Variants in MGAM observed in about 807,000 individuals in gnomAD.
MGAM encodes the protein maltase-glucoamylase, also known as alpha-1,4-glucosidase.
A neutral mutation model predicts 358.8 loss-of-function variants in MGAM; 253 were observed. The observed-to-expected ratio is 0.71, with a 90% CI of 0.64 to 0.78. MGAM has a LOEUF of 0.78. Among genes scored for constraint, MGAM ranks in the 30% least tolerant of loss-of-function variants. The probability of loss-of-function intolerance (pLI) is 0.00; values close to 1 mark genes in which losing one functional copy is unlikely to be tolerated. For missense variants in MGAM, 3,080 were observed against 3,432.6 expected, an observed-to-expected ratio of 0.90 and a Z score of 2.57; for synonymous variants, 1,105 against 1,227.1, an observed-to-expected ratio of 0.90 and a Z score of 2.08.
rs78766225 is a variant in MGAM at position 142,004,986 on chromosome 7, G to A, written c.-2-543G>A. Among the ~76,000 whole-genome samples, 779 of 152,016 alleles carry A rather than the reference G, an allele frequency of 5.1e-3. 16 individuals are homozygous for A. Among genetic ancestry groups the A allele is most frequent in the East Asian group, 0.035 (180 of 5,178 alleles). On this transcript the variant is annotated intron_variant, in intron 1 of 70. Transcript: ENST00000475668. ...TAATTAATTTACAGGAACTATAAGG[G>A]TAGAGAAACATGTTAGCATGCATAG... is the stretch of plus-strand genomic sequence containing the variant.
At chr7:142,096,176 C>A (rs1815887558) in intron 64 of MGAM, among the ~76,000 whole-genome samples, 155 bp from the exon 65 acceptor site, 1 of 152,198 alleles carries the variant, frequency 6.6e-6, no homozygotes, top group South Asian at 2.1e-4. Context: ...AAAGCAGAGG[C>A]TGGGTGCTCC....
intron 29 of MGAM, among the ~76,000 whole-genome samples, chr7:142,056,485 G>A (rs1313678072): frequency 8.5e-5 from 13 of 152,124 alleles, no homozygotes; most frequent in Non-Finnish European, 1.0e-4. Context: ...CTCACTGTCC[G>A]GGTGAGGGAT....
chr7:142,015,522 C>G (rs1028955741), intron 3 of MGAM, among the ~76,000 whole-genome samples: 4 of 151,956 alleles, frequency 2.6e-5, no homozygotes, highest in African/African-American at 9.7e-5. Flanking sequence ...AAAAAAGAAT[C>G]TAATATAATA....
chr7:142,066,798 C>T lies in MGAM; in HGVS notation c.4919+77C>T, dbSNP rs140389464. 6.0e-3 allele frequency: 8,621 copies of T among 1,443,580 alleles called. 1,234 individuals are homozygous for T. The highest frequency in any genetic ancestry group is 7.0e-3 in the Non-Finnish European group (7,392 of 1,053,682). The allele number at this position is 1,443,580 out of a possible 1,614,324, so 89.4% of individuals were successfully genotyped here. Reference sequence around the variant, plus strand: ...ATGTGGTAGCAGTTGATATACACAACGCTTCCAAATTAAAGACATGATGGC... The same window carrying T: ...ATGTGGTAGCAGTTGATATACACAATGCTTCCAAATTAAAGACATGATGGC... On this transcript the variant is annotated intron_variant, in intron 41 of 70. Transcript: ENST00000475668.
chr7:142,064,940 G>C (rs1812574259), intron 37 of MGAM, among the ~76,000 whole-genome samples: 2 of 152,066 alleles, frequency 1.3e-5, no homozygotes, highest in Non-Finnish European at 2.9e-5. Flanking sequence ...GAGGGTAACT[G>C]GTATTGTACT....
At chr7:141,989,229 C>T (rs560893517) in intron 2 of MGAM, among the ~76,000 whole-genome samples, 1 of 152,082 alleles carries the variant, frequency 6.6e-6, no homozygotes, top group Admixed American at 6.5e-5. Context: ...TGACTGTTTA[C>T]TGTGGCTATT....
intron 21 of MGAM, 23 bp from the exon 22 acceptor site, chr7:142,047,762 G>A: frequency 6.3e-7 from 1 of 1,595,206 alleles, no homozygotes; most frequent in Non-Finnish European, 8.6e-7. Context: ...CTGTCTTTGT[G>A]TCTTGAATCT....
intron 62 of MGAM, 23 bp from the exon 63 acceptor site, chr7:142,094,724 C>A (rs1169905061): frequency 3.1e-6 from 5 of 1,613,368 alleles, no homozygotes; most frequent in Non-Finnish European, 2.5e-6. Flanking sequence ...TCAGCAGGCT[C>A]CTTTTATTTC....
rs952950970 is a variant in MGAM at position 142,084,447 on chromosome 7, C to A, written c.6382-72C>A. Reference sequence around the variant, plus strand: ...CTAGCTTGGGGCACAGAAAAATATTCTTATTACTTGATGTAAAACTTCAAT... The same window carrying A: ...CTAGCTTGGGGCACAGAAAAATATTATTATTACTTGATGTAAAACTTCAAT... On this transcript the variant is annotated intron_variant, in intron 53 of 70. Coordinates refer to ENST00000475668, the MANE Select transcript of MGAM (RefSeq NM_001365693.1). 31 of 1,459,458 alleles carry A rather than the reference C, an allele frequency of 2.1e-5. 1 individual carries two copies. The African/African-American group carries it at 2.4e-4, about 11-fold the overall frequency. 90.4% of individuals were successfully genotyped at this position (1,459,458 alleles called of 1,614,324 possible).
chr7:142,027,669 C>T lies in MGAM; in HGVS notation c.1155C>T (p.Tyr385=), dbSNP rs375809034. The part of the protein sequence containing the change: ...YWALGFHLSR[Y]EYGTLDNMRE... ...CGCTTGGATTTCACCTCAGTCGTTACGAATATGGAACCTTAGACAACATGA... is the reference window on the plus strand; with the variant it reads ...CGCTTGGATTTCACCTCAGTCGTTATGAATATGGAACCTTAGACAACATGA... The change falls in exon 10 of 71, where the codon TAC becomes TAT. Residue 385 remains tyrosine (Y), a synonymous_variant. Coordinates refer to ENST00000475668, the MANE Select transcript of MGAM (RefSeq NM_001365693.1). The T allele has an allele frequency of 4.6e-5, 74 of 1,613,658 alleles. No homozygotes were observed. The highest frequency in any genetic ancestry group is 1.7e-4 in the Middle Eastern group (1 of 6,058).
At chr7:142,044,269 CATTA>C (rs1563153699) in intron 21 of MGAM, among the ~76,000 whole-genome samples, 1 of 89,256 alleles carries the variant, frequency 1.1e-5, no homozygotes, top group South Asian at 3.4e-4. Flanking sequence ...ATAATATATA[CATTA>C]TATACACATA....
At chr7:142,060,446 C>T in intron 34 of MGAM, 73 bp downstream of exon 34, 1 of 1,536,240 alleles carries the variant, frequency 6.5e-7, no homozygotes, top group Non-Finnish European at 9.0e-7. Context: ...GGATTGTGGA[C>T]ATGCCTGTAC....
chr7:142,062,385 A>G (rs1304073003), intron 34 of MGAM, among the ~76,000 whole-genome samples, 183 bp from the exon 35 acceptor site: 2 of 152,118 alleles, frequency 1.3e-5, no homozygotes, highest in African/African-American at 2.4e-5. Flanking sequence ...AGGTGTGCAA[A>G]TTGCACTAAT....
At chr7:142,060,243 T>G in intron 33 of MGAM, 68 bp from the exon 34 acceptor site, 1 of 1,581,512 alleles carries the variant, frequency 6.3e-7, no homozygotes, top group Non-Finnish European at 8.7e-7. Context: ...TGTATAACAA[T>G]TTATTAGGAA....
chr7:142,096,442 G>A (rs775836717), intron 65 of MGAM, 27 bp downstream of exon 65: 6 of 1,611,648 alleles, frequency 3.7e-6, no homozygotes, highest in Non-Finnish European at 5.1e-6. Context: ...CCGATGAGGG[G>A]AGGATCCCAG....
chr7:142,054,959 T>A, intron 27 of MGAM, 51 bp downstream of exon 27: 1 of 1,582,604 alleles, frequency 6.3e-7, no homozygotes, highest in Non-Finnish European at 8.6e-7. Flanking sequence ...GCGCCTTCGC[T>A]GCCAGGTCCA....
intron 57 of MGAM, among the ~76,000 whole-genome samples, chr7:142,088,177 T>C (rs1266291243): frequency 6.8e-6 from 1 of 146,342 alleles, no homozygotes; most frequent in Non-Finnish European, 1.5e-5. Context: ...GTCTCTGGCC[T>C]CCTGGATCCC....
intron 37 of MGAM, 110 bp downstream of exon 37, chr7:142,064,632 C>A: frequency 7.2e-7 from 1 of 1,386,108 alleles, no homozygotes; most frequent in Non-Finnish European, 9.7e-7. Context: ...TAAGAAGATT[C>A]TCATAACTCT....
intron 59 of MGAM, 105 bp downstream of exon 59, chr7:142,092,713 C>T: frequency 9.4e-7 from 1 of 1,068,726 alleles, no homozygotes; most frequent in Non-Finnish European, 1.4e-6. Flanking sequence ...GGCACATCCT[C>T]ATGGCTGCTG....
Sources: allele counts gnomAD v4.1 joint callset (sites outside exome capture counted in the v4.1 genomes callset), GRCh38; gene constraint gnomAD v4.1.1; transcripts MANE v1.5; gene names NCBI Gene and HGNC (gene_info 2026-07-23, HGNC 2026-07-21).